The following FBF1 variants were observed in gnomAD, a reference collection of about 807,000 sequenced individuals.
FBF1 encodes the protein fas-binding factor 1.
FBF1 carries 119 observed loss-of-function variants against 147.2 expected under a neutral mutation model. That is an observed-to-expected ratio of 0.81 (90% CI 0.70 to 0.94). FBF1 has a LOEUF of 0.94. FBF1 is among the 40% of genes least tolerant of loss of function. The pLI is 0.00. For synonymous variants in FBF1, 601 were observed against 609.0 expected (o/e 0.99, Z 0.19); for missense variants, 1,449 against 1,500.8 (o/e 0.97, Z 0.57).
At position 75,909,898 on chromosome 17, in the gene FBF1, G is replaced by C. The variant is rs1438903067; in HGVS notation, c.*825C>G. 2.9e-6 allele frequency: 2 copies of C among 701,504 alleles called. No individual in the cohort carries two copies. The highest frequency in any genetic ancestry group is 2.7e-5 in the East Asian group (1 of 37,268). The allele number at this position is 701,504 out of a possible 1,614,324, so 43.5% of individuals were successfully genotyped here. A position where few individuals can be genotyped will look rare whatever the true frequency, so the allele number is the denominator to read the frequency against. On this transcript the variant is annotated 3_prime_UTR_variant, in exon 30 of 30. Transcript: ENST00000636174. ...TAGTCAAGTTGAAGCAGCGGGAGTG[G>C]AGGAGGATCAGAGAAACCTCTGTAG...
chr17:75,912,480 C>T (rs889699339), intron 28 of FBF1, among the ~76,000 whole-genome samples, 173 bp from the exon 29 acceptor site: 7 of 152,354 alleles, frequency 4.6e-5, no homozygotes, highest in South Asian at 2.1e-4. Flanking sequence ...CCTGCTCCTA[C>T]CTGGAAAGAC....
chr17:75,913,144 CTTTTTTTT>C (rs869041751), intron 28 of FBF1, among the ~76,000 whole-genome samples: 35 of 124,048 alleles, frequency 2.8e-4, no homozygotes, highest in African/African-American at 9.0e-4. Context: ...TTGAGGGTGA[CTTTTTTTT>C]TTTTTTTTTT....
At chr17:75,917,879 G>T in intron 22 of FBF1, 29 bp from the exon 23 acceptor site, 1 of 1,441,356 alleles carries the variant, frequency 6.9e-7, no homozygotes, top group South Asian at 1.2e-5. Context: ...GTGCTCAGCA[G>T]CTGCTCCCCC....
At position 75,909,809 on chromosome 17, in the gene FBF1, A is replaced by C; in HGVS notation, c.*914T>G. 1.5e-6 allele frequency: 1 copy of C among 655,156 alleles called. No individual in the cohort carries two copies. The highest frequency in any genetic ancestry group is 1.6e-5 in the South Asian group (1 of 61,304). The allele number at this position is 655,156 out of a possible 1,614,324, so 40.6% of individuals were successfully genotyped here. A position where few individuals can be genotyped will look rare whatever the true frequency, so the allele number is the denominator to read the frequency against. The stretch of plus-strand genomic sequence containing the variant: ...TGGGACTTGTCCAGCAAATAACAGG[A>C]AACATTTTCTAAGAAATAAGTATAA... On this transcript the variant is annotated 3_prime_UTR_variant, in exon 30 of 30. Coordinates refer to ENST00000636174, the MANE Select transcript of FBF1 (RefSeq NM_001319193.2).
In FBF1 at chr17:75,918,196, C is replaced by A. The variant is rs751354281; in HGVS notation, c.2212G>T (p.Val738Phe). The change falls in exon 21 of 30, where the codon GTC (valine) becomes TTC (phenylalanine). Residue 738 changes from valine (V) to phenylalanine (F), a missense_variant. Val to Phe is a conservative substitution (Grantham distance 50, BLOSUM62 -1). Coordinates refer to ENST00000636174, the MANE Select transcript of FBF1 (RefSeq NM_001319193.2). The surrounding 1 kb of genome is among the most constrained non-coding windows in gnomAD (Gnocchi z 5.8). ...GAGGTGGCACTGGTGGCCGCATCGA[C>A]CTCTCGGTCCTTCAGCAGCTTTAGC... is the stretch of plus-strand genomic sequence containing the variant. Reference protein sequence around the residue: ...QRLKLLKDREVDAATSATSHT... With the variant: ...QRLKLLKDREFDAATSATSHT... 39 of 1,613,276 alleles carry A rather than the reference C, an allele frequency of 2.4e-5. No homozygotes were observed. The South Asian group carries it at 4.0e-4, about 16-fold the overall frequency.
chr17:75,911,949 G>A (rs988657277), intron 29 of FBF1, among the ~76,000 whole-genome samples: 6 of 152,196 alleles, frequency 3.9e-5, no homozygotes, highest in Non-Finnish European at 8.8e-5. Context: ...ACTGTGCCCA[G>A]CCTGTTATCA....
chr17:75,938,071 T>G (rs1207233969), intron 2 of FBF1, 76 bp downstream of exon 2: 2 of 1,593,096 alleles, frequency 1.3e-6, no homozygotes, highest in South Asian at 1.1e-5. Flanking sequence ...GAGTGTTGCA[T>G]GCAGTCAAGA....
rs1464709784 is a variant in FBF1, at chr17:75,926,745, C to T, written c.595+13G>A. The T allele has an allele frequency of 3.1e-6, 5 of 1,609,612 alleles. No individual in the cohort carries two copies. The highest frequency in any genetic ancestry group is 3.4e-6 in the Non-Finnish European group (4 of 1,177,930). ...CTTCCTCCAGGATGGGAAATGAGCC[C>T]ACTCCACCCTACCTTGATCTCTCAC... On this transcript the variant is annotated intron_variant, in intron 10 of 29. Transcript: ENST00000636174.
At chr17:75,935,901 C>T (rs987891627) in intron 3 of FBF1, among the ~76,000 whole-genome samples, 1 of 152,082 alleles carries the variant, frequency 6.6e-6, no homozygotes, top group Non-Finnish European at 1.5e-5. Context: ...TCAGGCTGGG[C>T]GCAGTGGCTC....
chr17:75,927,960 A>G (rs1038596127), intron 8 of FBF1, 116 bp downstream of exon 8: 36 of 791,344 alleles, frequency 4.5e-5, no homozygotes, highest in Non-Finnish European at 6.6e-5. Flanking sequence ...CATCCTGTGC[A>G]GAGAAAACCC....
intron 2 of FBF1, 52 bp downstream of exon 2, chr17:75,938,095 A>T: frequency 6.2e-7 from 1 of 1,609,388 alleles, no homozygotes; most frequent in Non-Finnish European, 8.5e-7. Flanking sequence ...TTGGGGATGC[A>T]GGATGGGAGG....
Position 75,923,518 on chromosome 17 carries a change from G to A in FBF1, c.1092C>T (p.Asp364=), listed in dbSNP as rs541926169. 23 of 1,605,416 alleles carry A rather than the reference G, an allele frequency of 1.4e-5. No homozygotes were observed. The African/African-American group carries it at 1.6e-4, about 11-fold the overall frequency. The change falls in exon 14 of 30, where the codon GAC becomes GAT. Residue 364 remains aspartate (D), a synonymous_variant. Coordinates refer to ENST00000636174, the MANE Select transcript of FBF1 (RefSeq NM_001319193.2). The surrounding 1 kb of genome is among the most constrained non-coding windows in gnomAD (Gnocchi z 4.1). ...KGGADWLGLK[D]EDLDLFPASP... ...AGGCAGGGAACAGGTCCAAGTCCTC[G>A]TCCTTGAGGCCCAACCAGTCAGCTC...
Position 75,920,342 on chromosome 17 carries a change from A to C in FBF1, c.1762T>G (p.Cys588Gly). ...TCGGCCTGGAGCTCAGCGGGGCTGC[A>C]CTGAAGTTGCACCTGTGCTGCCAGG... ...QLLAAQVQLQ[C>G]SPAELQAELL... The change falls in exon 18 of 30, where the codon TGC (cysteine) becomes GGC (glycine). Residue 588 changes from cysteine to glycine, a missense_variant. Transcript: ENST00000636174. The C allele has an allele frequency of 6.2e-7, 1 of 1,609,478 alleles. No homozygotes were observed. Among genetic ancestry groups the C allele is most frequent in the Non-Finnish European group, 8.5e-7 (1 of 1,178,524 alleles).
intron 2 of FBF1, chr17:75,937,881 G>C: frequency 1.6e-6 from 1 of 627,842 alleles, no homozygotes; most frequent in Non-Finnish European, 2.8e-6. Context: ...CATGTGACCG[G>C]AAATGTCTTC....
intron 26 of FBF1, 29 bp downstream of exon 26, chr17:75,914,093 G>A: frequency 6.3e-7 from 1 of 1,594,112 alleles, no homozygotes; most frequent in Non-Finnish European, 8.5e-7. Context: ...GGGCTCAGAT[G>A]CGCCCACGCC....
At chr17:75,921,341 G>C (rs754589424) in intron 16 of FBF1, 39 bp from the exon 17 acceptor site, 9 of 1,570,306 alleles carry the variant, frequency 5.7e-6, no homozygotes, top group Non-Finnish European at 6.9e-6. Flanking sequence ...AGGAGGCCCA[G>C]GGCACTGGGC....
chr17:75,914,798 C>CCGCTCGGCCTCG lies in FBF1; in HGVS notation c.2751_2762dup (p.Glu918_Arg921dup), dbSNP rs577460839. 2.1e-5 allele frequency: 33 copies of CCGCTCGGCCTCG among 1,564,378 alleles called. No homozygotes were observed. The highest frequency in any genetic ancestry group is 2.4e-5 in the Non-Finnish European group (28 of 1,158,566). The stretch of plus-strand genomic sequence containing the variant: ...CCCGCTGGGTGTCCACCTGCAATGC[C>CCGCTCGGCCTCG]CGCTCGGCCTCGCGCTCGGCCCGCT... On this transcript the variant is annotated inframe_insertion, in exon 25 of 30. Transcript: ENST00000636174.
chr17:75,926,228 C>T, intron 11 of FBF1, 60 bp downstream of exon 11: 1 of 1,606,188 alleles, frequency 6.2e-7, no homozygotes, highest in Non-Finnish European at 8.5e-7. Context: ...CCCACAGTAC[C>T]CGTCCACCAG....
rs763945678 is a variant in FBF1, at chr17:75,926,891, G to A, written c.476-14C>T. Reference sequence around the variant, plus strand: ...GGTCTTCCAAGTCTCACAGCAGAAGGGAAAGCACAGGTCAGACTGCAGCAC... The same window carrying A: ...GGTCTTCCAAGTCTCACAGCAGAAGAGAAAGCACAGGTCAGACTGCAGCAC... On this transcript the variant is annotated splice_polypyrimidine_tract_variant and intron_variant, in intron 9 of 29. Coordinates refer to ENST00000636174, the MANE Select transcript of FBF1 (RefSeq NM_001319193.2). 1.2e-5 allele frequency: 19 copies of A among 1,604,530 alleles called. No homozygotes were observed. The highest frequency in any genetic ancestry group is 3.3e-4 in the Middle Eastern group (2 of 6,070).
Sources: gnomAD v4.1 joint callset for allele counts (sites outside exome capture counted in the v4.1 genomes callset) on GRCh38, gnomAD v4.1.1 for gene constraint, Gnocchi (gnomAD v3.1) non-coding constraint, MANE v1.5 for transcripts, NCBI Gene and HGNC (gene_info 2026-07-23, HGNC 2026-07-21) for gene names.